The following RBM47 variants were observed in gnomAD, a reference collection of about 807,000 sequenced individuals.
The protein encoded by RBM47 is RNA-binding protein 47.
RBM47 carries 21 observed loss-of-function variants against 47.1 expected under a neutral mutation model. That is an observed-to-expected ratio of 0.45 (90% confidence interval 0.32 to 0.64). RBM47 has a LOEUF of 0.64. RBM47 is among the 30% of genes least tolerant of loss of function. RBM47 has a pLI of 0.05. For synonymous variants in RBM47, 375 were observed against 361.7 expected (o/e 1.04, Z -0.42); for missense variants, 708 against 870.9 (o/e 0.81, Z 2.35).
rs1173958614 is a variant in RBM47, at chr4:40,466,775, G to GC, written c.-154-77_-154-76insG. ...TTTCATATGTGCATTAGAAATTGGG[G>GC]GGGGGGGGGCAGATCCTCTTGCGTA... On this transcript the variant is annotated intron_variant, in intron 2 of 6. Transcript: ENST00000295971. 7 of 113,422 alleles carry GC rather than the reference G, an allele frequency of 6.2e-5. No homozygotes were observed. In the Admixed American group the frequency reaches 7.5e-4, roughly 12 times the overall value. The allele number at this position is 113,422 out of a possible 1,614,324, so 7.0% of individuals were successfully genotyped here. A position where few individuals can be genotyped will look rare whatever the true frequency, so the allele number is the denominator to read the frequency against.
intron 2 of RBM47, among the ~76,000 whole-genome samples, chr4:40,505,347 C>G (rs1723948992): frequency 6.6e-6 from 1 of 151,772 alleles, no homozygotes; most frequent in African/African-American, 2.4e-5. Flanking sequence ...CACAAATTAG[C>G]CAGGCATGGT....
chr4:40,482,399 T>A (rs1720557525), intron 2 of RBM47, among the ~76,000 whole-genome samples: 1 of 152,004 alleles, frequency 6.6e-6, no homozygotes, highest in South Asian at 2.1e-4. Flanking sequence ...GACTACATGT[T>A]CATGCTACCA....
intron 2 of RBM47, among the ~76,000 whole-genome samples, chr4:40,516,463 T>C (rs979390318): frequency 5.3e-5 from 8 of 152,012 alleles, no homozygotes; most frequent in African/African-American, 1.7e-4. Flanking sequence ...TTTCACCATG[T>C]TGGCCAGGCT....
rs983436961 is a variant in RBM47 at position 40,438,624 on chromosome 4, C to T, written c.270G>A (p.Val90=). The T allele has an allele frequency of 1.2e-6, 2 of 1,613,556 alleles. No individual in the cohort carries two copies. The highest frequency in any genetic ancestry group is 1.3e-5 in the African/African-American group (1 of 75,074). Residue 90 remains valine (V), a synonymous_variant, in exon 4 of 7, where the codon GTG becomes GTA. Coordinates refer to ENST00000295971, the MANE Select transcript of RBM47 (RefSeq NM_001098634.2). Reference sequence around the variant, plus strand: ...CGTAGATGCGGCCCACGGCCTCGAACACGGGCACCAGCTCGTCCTCGTACA... The same window carrying T: ...CGTAGATGCGGCCCACGGCCTCGAATACGGGCACCAGCTCGTCCTCGTACA... The part of the protein sequence containing the change: ...RDVYEDELVP[V]FEAVGRIYEL...
At chr4:40,601,895 G>A (rs1005179673) in intron 1 of RBM47, among the ~76,000 whole-genome samples, 4 of 152,202 alleles carry the variant, frequency 2.6e-5, no homozygotes, top group Admixed American at 6.5e-5. Flanking sequence ...TGGGTCGGGC[G>A]TGGTGGCTCA....
intron 2 of RBM47, among the ~76,000 whole-genome samples, chr4:40,526,082 C>T (rs1191028985): frequency 6.6e-6 from 1 of 152,186 alleles, no homozygotes; most frequent in Non-Finnish European, 1.5e-5. Context: ...TCACAGCTCT[C>T]CCCCTTCATG....
At chr4:40,480,550 T>C (rs1720244670) in intron 2 of RBM47, among the ~76,000 whole-genome samples, 1 of 152,188 alleles carries the variant, frequency 6.6e-6, no homozygotes. Context: ...AACTTTGAGA[T>C]GGCATCTTTG....
rs538187608 is a variant in RBM47, at chr4:40,579,051, G to A, written c.-239-34545C>T. Among the ~76,000 whole-genome samples the A allele has an allele frequency of 4.6e-5, 7 of 151,746 alleles. 1 individual carries two copies. The highest frequency in any genetic ancestry group is 9.7e-5 in the African/African-American group (4 of 41,332). ...GAAGAATCACTTGAACCTGGGAGGC[G>A]GAGGCTACAGTGAGCCAAGATCATG... On this transcript the variant is annotated intron_variant, in intron 1 of 6. Transcript: ENST00000295971.
chr4:40,611,082 C>A (rs1200998078), intron 1 of RBM47, among the ~76,000 whole-genome samples: 1 of 152,158 alleles, frequency 6.6e-6, no homozygotes, highest in Non-Finnish European at 1.5e-5. Flanking sequence ...ACGTTTCCCT[C>A]ATCCCCTGCT....
intron 1 of RBM47, among the ~76,000 whole-genome samples, chr4:40,624,040 T>C (rs987038250): frequency 3.9e-5 from 6 of 152,114 alleles, no homozygotes; most frequent in African/African-American, 1.4e-4. Flanking sequence ...TTTGTAGAGA[T>C]GGGGTTTTGC....
chr4:40,604,362 C>G (rs764318098), intron 1 of RBM47, among the ~76,000 whole-genome samples: 1 of 152,192 alleles, frequency 6.6e-6, no homozygotes, highest in Admixed American at 6.5e-5. Context: ...TGGAGGCTCA[C>G]ACCTGTAATC....
intron 1 of RBM47, among the ~76,000 whole-genome samples, chr4:40,605,016 T>TTTGTTG (rs746777655): frequency 6.7e-6 from 1 of 149,846 alleles, no homozygotes; most frequent in Non-Finnish European, 1.5e-5. Flanking sequence ...CACCTGGTCT[T>TTTGTTG]TTGTTGTTGT....
intron 2 of RBM47, among the ~76,000 whole-genome samples, chr4:40,511,504 C>T (rs1007752343): frequency 2.0e-5 from 3 of 152,186 alleles, no homozygotes; most frequent in African/African-American, 7.2e-5. Context: ...TTAATAGCAG[C>T]AGAGTCTAAA....
chr4:40,529,665 C>G (rs904382191), intron 2 of RBM47, among the ~76,000 whole-genome samples: 3 of 149,826 alleles, frequency 2.0e-5, no homozygotes, highest in Admixed American at 1.3e-4. Flanking sequence ...CCTCTCTCTA[C>G]TAAAAATACA....
At chr4:40,532,422 C>A (rs1279059431) in intron 2 of RBM47, among the ~76,000 whole-genome samples, 1 of 150,924 alleles carries the variant, frequency 6.6e-6, no homozygotes, top group East Asian at 1.9e-4. Flanking sequence ...AAGTGATTCC[C>A]CTGCCTCAGC....
chr4:40,486,069 C>CAAAA lies in RBM47; in HGVS notation c.-154-19374_-154-19371dup, dbSNP rs201408070. Among the ~76,000 whole-genome samples, 232 of 62,780 alleles carry CAAAA rather than the reference C, an allele frequency of 3.7e-3. 15 individuals carry two copies. The highest frequency in any genetic ancestry group is 0.01 in the African/African-American group (209 of 20,168). The allele number at this position is 62,780 out of a possible 152,430, so 41.2% of individuals were successfully genotyped here. The stretch of plus-strand genomic sequence containing the variant: ...TGGACAACAGAGCAAAACCCTGTTT[C>CAAAA]AAAAAAAAAAAAAAAAAAAAAAAAA... On this transcript the variant is annotated intron_variant, in intron 2 of 6. Transcript: ENST00000295971.
chr4:40,617,021 G>A (rs903189990), intron 1 of RBM47, among the ~76,000 whole-genome samples: 2 of 150,970 alleles, frequency 1.3e-5, no homozygotes, highest in Admixed American at 6.6e-5. Flanking sequence ...GATTACAGGC[G>A]CCCGCCACTG....
In RBM47 at chr4:40,436,668, G is replaced by T. The variant is rs545870843; in HGVS notation, c.1124-21C>A. 1.5e-5 allele frequency: 24 copies of T among 1,611,456 alleles called. No homozygotes were observed. In the East Asian group the frequency reaches 4.7e-4, roughly 31 times the overall value. Reference sequence around the variant, plus strand: ...GCCTGCTTGTAATAACAACACAAAAGATGATCAGCAACCAACAGTGACGGT... The same window carrying T: ...GCCTGCTTGTAATAACAACACAAAATATGATCAGCAACCAACAGTGACGGT... On this transcript the variant is annotated intron_variant, in intron 4 of 6. Coordinates refer to ENST00000295971, the MANE Select transcript of RBM47 (RefSeq NM_001098634.2).
At chr4:40,604,136 C>T (rs961171220) in intron 1 of RBM47, among the ~76,000 whole-genome samples, 2 of 152,244 alleles carry the variant, frequency 1.3e-5, no homozygotes, top group African/African-American at 2.4e-5. Context: ...CAAATAATGT[C>T]CCCAACCTTG....
Sources: gnomAD v4.1 joint callset for allele counts (sites outside exome capture counted in the v4.1 genomes callset) on GRCh38, gnomAD v4.1.1 for gene constraint, MANE v1.5 for transcripts, NCBI Gene and HGNC (gene_info 2026-07-23, HGNC 2026-07-21) for gene names.